FAM168A: variants seen among roughly 807,000 people sequenced by gnomAD.
FAM168A encodes the protein protein FAM168A.
Under a neutral mutation model 28.5 loss-of-function variants are expected in FAM168A, and 3 were observed. The ratio of observed to expected loss-of-function variants is 0.11; its 90% CI spans 0.05 to 0.27. The LOEUF is 0.27. Among genes scored for constraint, FAM168A ranks in the 10% least tolerant of loss-of-function variants. FAM168A has a pLI of 1.00. For synonymous variants in FAM168A, 122 were observed against 124.2 expected (o/e 0.98, Z 0.12); for missense variants, 222 against 311.5 (o/e 0.71, Z 2.16).
At chr11:73,417,583 G>A (rs534645172) in intron 4 of FAM168A, among the ~76,000 whole-genome samples, 4 of 140,708 alleles carry the variant, frequency 2.8e-5, no homozygotes, top group Middle Eastern at 3.9e-3. Context: ...TTTTTGAGAC[G>A]GAGTCTCACT....
At chr11:73,445,990 A>C (rs1867305761) in intron 2 of FAM168A, among the ~76,000 whole-genome samples, 1 of 152,232 alleles carries the variant, frequency 6.6e-6, no homozygotes, top group Non-Finnish European at 1.5e-5. Flanking sequence ...GATCTGACAA[A>C]AGAGAATGAA....
chr11:73,529,853 C>T (rs1368264710), intron 1 of FAM168A, among the ~76,000 whole-genome samples: 3 of 141,782 alleles, frequency 2.1e-5, no homozygotes, highest in African/African-American at 8.4e-5. Context: ...TGAGAGCAAT[C>T]GCAGCTCACT....
intron 6 of FAM168A, 135 bp from the exon 7 acceptor site, chr11:73,407,778 T>C (rs1310099038): frequency 4.3e-6 from 3 of 701,700 alleles, no homozygotes; most frequent in Non-Finnish European, 4.8e-6. Context: ...CCTGATGACC[T>C]GTTTTCTGCC....
rs146687654 is a variant in FAM168A, at chr11:73,474,427, T to C, written c.-18-5935A>G. ...GTTACGGCACACTACAGCTTCAAAC[T>C]GCTGGGCTCAAGTGATCCTCCTGCC... On this transcript the variant is annotated intron_variant, in intron 1 of 7. Transcript: ENST00000356467. 1.4e-4 allele frequency among the ~76,000 whole-genome samples: 22 copies of C among 152,206 alleles called. No individual in the cohort carries two copies. The East Asian group carries it at 2.3e-3, about 16-fold the overall frequency.
chr11:73,496,871 T>C (rs1338578373), intron 1 of FAM168A, among the ~76,000 whole-genome samples: 1 of 124,924 alleles, frequency 8.0e-6, no homozygotes, highest in Non-Finnish European at 1.5e-5. Flanking sequence ...TGTATGTTCT[T>C]ATCACACACA....
chr11:73,527,227 C>T (rs978733031), intron 1 of FAM168A, among the ~76,000 whole-genome samples: 2 of 152,130 alleles, frequency 1.3e-5, no homozygotes, highest in African/African-American at 4.8e-5. Context: ...TGGAAGGAAA[C>T]TCATGGGGAA....
chr11:73,488,016 C>T lies in FAM168A; in HGVS notation c.-18-19524G>A, dbSNP rs118175386. Among the ~76,000 whole-genome samples the T allele has an allele frequency of 3.1e-3, 478 of 152,306 alleles. 26 individuals carry two copies. In the East Asian group the frequency reaches 0.079, roughly 25 times the overall value. Reference sequence around the variant, plus strand: ...CCACAACCCTGGTTAAATTCAGTCACCGTCTACTCTCTGCCAACACTGGTA... The same window carrying T: ...CCACAACCCTGGTTAAATTCAGTCATCGTCTACTCTCTGCCAACACTGGTA... On this transcript the variant is annotated intron_variant, in intron 1 of 7. Coordinates refer to ENST00000356467, the MANE Select transcript of FAM168A (RefSeq NM_015159.3).
At chr11:73,456,402 A>G (rs371881198) in intron 2 of FAM168A, among the ~76,000 whole-genome samples, 4 of 152,224 alleles carry the variant, frequency 2.6e-5, no homozygotes, top group East Asian at 3.8e-4. Flanking sequence ...CAATGACTGA[A>G]TATACTGCTA....
At chr11:73,597,044 T>C (rs1363017816) in intron 1 of FAM168A, among the ~76,000 whole-genome samples, 1 of 152,094 alleles carries the variant, frequency 6.6e-6, no homozygotes, top group Non-Finnish European at 1.5e-5. Flanking sequence ...GGAGCCACCA[T>C]GCCCTTTCCA....
intron 1 of FAM168A, among the ~76,000 whole-genome samples, chr11:73,488,130 C>T (rs535903659): frequency 0.014 from 1,994 of 144,104 alleles, 45 homozygotes; most frequent in African/African-American, 0.047. Context: ...CATGTGGGGC[C>T]TTTTTTTTTT....
chr11:73,430,792 CTTAT>C, intron 2 of FAM168A, 22 bp from the exon 3 acceptor site: 1 of 1,536,068 alleles, frequency 6.5e-7, no homozygotes, highest in Non-Finnish European at 8.8e-7. Context: ...TAAGAAAAGG[CTTAT>C]TTAGTTAGGC....
intron 1 of FAM168A, among the ~76,000 whole-genome samples, chr11:73,574,060 C>T (rs1229037609): frequency 6.6e-6 from 1 of 151,736 alleles, no homozygotes; most frequent in African/African-American, 2.4e-5. Flanking sequence ...GAGGTGGAGG[C>T]AACAGTGAGC....
At chr11:73,473,552 C>T (rs1363645112) in intron 1 of FAM168A, among the ~76,000 whole-genome samples, 1 of 152,158 alleles carries the variant, frequency 6.6e-6, no homozygotes, top group East Asian at 1.9e-4. Context: ...ACTTCTACCA[C>T]TATCTTTTTG....
chr11:73,469,669 C>G (rs1867786160), intron 1 of FAM168A, among the ~76,000 whole-genome samples: 2 of 152,126 alleles, frequency 1.3e-5, no homozygotes, highest in African/African-American at 4.8e-5. Context: ...TGGCAAACTA[C>G]CCCAGGGCAA....
At chr11:73,579,085 A>C (rs1272775200) in intron 1 of FAM168A, among the ~76,000 whole-genome samples, 1 of 152,164 alleles carries the variant, frequency 6.6e-6, no homozygotes, top group Non-Finnish European at 1.5e-5. Context: ...GCAGAGAGAG[A>C]GGAAGTAAGC....
intron 1 of FAM168A, among the ~76,000 whole-genome samples, chr11:73,583,996 G>C (rs549125062): frequency 4.1e-4 from 63 of 152,262 alleles, no homozygotes; most frequent in African/African-American, 1.5e-3. Context: ...ATTTTAAAGG[G>C]TGTTGGTTTT....
intron 3 of FAM168A, chr11:73,424,947 A>G (rs1033225404): frequency 1.0e-4 from 129 of 1,249,210 alleles, no homozygotes; most frequent in Non-Finnish European, 1.3e-4. Flanking sequence ...GGAGGAGAGG[A>G]GAGGGGATCT....
intron 1 of FAM168A, among the ~76,000 whole-genome samples, chr11:73,480,378 G>C (rs1298225935): frequency 4.2e-5 from 6 of 144,238 alleles, no homozygotes; most frequent in African/African-American, 1.2e-4. Flanking sequence ...ACAAATAATA[G>C]AAAATTTCTC....
intron 1 of FAM168A, among the ~76,000 whole-genome samples, chr11:73,495,579 G>C (rs1854857425): frequency 6.6e-6 from 1 of 152,150 alleles, no homozygotes; most frequent in Admixed American, 6.6e-5. Context: ...AAGACATAGA[G>C]TTTTACAACT....
Sources: allele counts gnomAD v4.1 joint callset (sites outside exome capture counted in the v4.1 genomes callset), GRCh38; gene constraint gnomAD v4.1.1; transcripts MANE v1.5; gene names NCBI Gene and HGNC (gene_info 2026-07-23, HGNC 2026-07-21).